Variants in GNA13 observed in about 807,000 individuals in gnomAD.
GNA13 encodes guanine nucleotide-binding protein subunit alpha-13.
In GNA13, 4 loss-of-function variants were observed where a neutral mutation model predicts 33.5. That is an observed-to-expected ratio of 0.12 (90% CI 0.06 to 0.27). GNA13 has a LOEUF of 0.27. GNA13 is among the 10% of genes least tolerant of loss of function. The probability of loss-of-function intolerance (pLI) is 1.00; values close to 1 mark genes in which losing one functional copy is unlikely to be tolerated. For missense variants in GNA13, 319 were observed against 487.2 expected, an observed-to-expected ratio of 0.65 and a Z score of 3.25; for synonymous variants, 176 against 183.8, an observed-to-expected ratio of 0.96 and a Z score of 0.34.
At chr17:65,015,106 C>T (rs1010678530) in intron 3 of GNA13, among the ~76,000 whole-genome samples, 5 of 151,868 alleles carry the variant, frequency 3.3e-5, no homozygotes, top group Non-Finnish European at 5.9e-5. Context: ...CACTTGTGCT[C>T]CCCACAACAA....
At chr17:65,033,134 T>C (rs1907111304) in intron 2 of GNA13, among the ~76,000 whole-genome samples, 1 of 151,484 alleles carries the variant, frequency 6.6e-6, no homozygotes, top group Non-Finnish European at 1.5e-5. Flanking sequence ...ATCACAGTAC[T>C]TGATGTGATG....
intron 1 of GNA13, 44 bp downstream of exon 1, chr17:65,056,266 AG>A (rs1191030653): frequency 5.0e-5 from 18 of 358,832 alleles, no homozygotes; most frequent in East Asian, 1.4e-4. Context: ...CCGCCGCCCC[AG>A]CCCCCCTGCC....
chr17:65,024,850 ATTTAG>A (rs965121876), intron 2 of GNA13, among the ~76,000 whole-genome samples: 2 of 152,208 alleles, frequency 1.3e-5, no homozygotes, highest in Admixed American at 1.3e-4. Flanking sequence ...AAGATAAGAA[ATTTAG>A]TTTAGTTTTA....
chr17:65,046,155 T>A (rs2143821771), intron 2 of GNA13, among the ~76,000 whole-genome samples: 1 of 152,310 alleles, frequency 6.6e-6, no homozygotes, highest in African/African-American at 2.4e-5. Flanking sequence ...CCTTTTTAAA[T>A]ATAGCACTAT....
intron 3 of GNA13, among the ~76,000 whole-genome samples, chr17:65,017,360 A>G (rs934778379): frequency 6.6e-6 from 1 of 152,234 alleles, no homozygotes; most frequent in African/African-American, 2.4e-5. Context: ...ATAGTCTGGC[A>G]GAGCAGAGTA....
chr17:65,034,455 C>T (rs1033283639), intron 2 of GNA13, among the ~76,000 whole-genome samples: 5 of 151,932 alleles, frequency 3.3e-5, no homozygotes, highest in East Asian at 3.9e-4. Context: ...CCCGCCACCA[C>T]GCCCAGCTAA....
intron 2 of GNA13, among the ~76,000 whole-genome samples, chr17:65,029,801 T>C (rs1490911433): frequency 6.6e-6 from 1 of 152,182 alleles, no homozygotes; most frequent in Admixed American, 6.5e-5. Flanking sequence ...CTTTATGACA[T>C]CCTGTTTCCA....
At position 65,014,838 on chromosome 17, in the gene GNA13, G is replaced by A. The variant is rs1567816129; in HGVS notation, c.562-9C>T. On this transcript the variant is annotated splice_polypyrimidine_tract_variant and intron_variant, in intron 3 of 3. Coordinates refer to ENST00000439174, the MANE Select transcript of GNA13 (RefSeq NM_006572.6). This position sits in a 1 kb window ranked among gnomAD's most constrained non-coding sequence, Gnocchi z 5.3. The stretch of plus-strand genomic sequence containing the variant: ...TGTGATGGAATATAATCCTGGAAAA[G>A]AAAAAACTTGTTTTATACCTATTAA... The A allele has an allele frequency of 6.3e-7, 1 of 1,575,216 alleles. No individual in the cohort carries two copies. Among genetic ancestry groups the A allele is most frequent in the Admixed American group, 1.8e-5 (1 of 54,654 alleles).
chr17:65,036,172 G>A (rs886857742), intron 2 of GNA13, among the ~76,000 whole-genome samples: 1 of 152,106 alleles, frequency 6.6e-6, no homozygotes, highest in African/African-American at 2.4e-5. Flanking sequence ...AGCCTATAAG[G>A]AGCACTAAAT....
At chr17:65,023,715 A>T (rs1296309786) in intron 2 of GNA13, among the ~76,000 whole-genome samples, 1 of 152,180 alleles carries the variant, frequency 6.6e-6, no homozygotes. Flanking sequence ...TTCCCATACA[A>T]ATTTCCAGTG....
At chr17:65,016,485 C>T (rs752435383) in intron 3 of GNA13, among the ~76,000 whole-genome samples, 5 of 152,140 alleles carry the variant, frequency 3.3e-5, no homozygotes, top group Non-Finnish European at 4.4e-5. Context: ...CTCAGCCTCC[C>T]GAATAGCTGG....
In GNA13 at chr17:65,014,425, G is replaced by C. The variant is rs1250762608; in HGVS notation, c.966C>G (p.Val322=). The part of the protein sequence containing the change: ...FEGDPHCLRD[V]QKFLVECFRN... Reference sequence around the variant, plus strand: ...GGAAACATTCCACCAGGAATTTTTGGACGTCTCTTAAGCAGTGGGGATCCC... The same window carrying C: ...GGAAACATTCCACCAGGAATTTTTGCACGTCTCTTAAGCAGTGGGGATCCC... Residue 322 remains valine, a synonymous_variant, in exon 4 of 4, where the codon GTC becomes GTG. Transcript: ENST00000439174. The surrounding 1 kb of genome is among the most constrained non-coding windows in gnomAD (Gnocchi z 5.3). 6.2e-7 allele frequency: 1 copy of C among 1,614,168 alleles called. No individual in the cohort carries two copies. The highest frequency in any genetic ancestry group is 8.5e-7 in the Non-Finnish European group (1 of 1,180,028).
intron 2 of GNA13, among the ~76,000 whole-genome samples, chr17:65,050,879 T>C (rs1907836454): frequency 6.6e-6 from 1 of 152,252 alleles, no homozygotes; most frequent in African/African-American, 2.4e-5. Flanking sequence ...TTCTGGAACT[T>C]ATCTCTCCTC....
At chr17:65,031,866 T>TAG (rs138789425) in intron 2 of GNA13, among the ~76,000 whole-genome samples, 100 of 106,408 alleles carry the variant, frequency 9.4e-4, no homozygotes, top group African/African-American at 3.8e-3. Flanking sequence ...CCGGACAACA[T>TAG]AGAGAGAGAG....
At chr17:65,043,800 G>T (rs1402391690) in intron 2 of GNA13, among the ~76,000 whole-genome samples, 4 of 152,158 alleles carry the variant, frequency 2.6e-5, no homozygotes, top group Non-Finnish European at 5.9e-5. Context: ...AGATGGGGAT[G>T]AAAAAGTTTA....
At position 65,053,541 on chromosome 17, in the gene GNA13, G is replaced by A; in HGVS notation, c.471C>T (p.Gly157=). The change falls in exon 2 of 4, where the codon GGC becomes GGT. Residue 157 remains glycine (G), a synonymous_variant. Transcript: ENST00000439174. ...GACGCCGGTCATAGGCATTCTGTAT[G>A]CCGCTGTCTGCCCATAATGCTCTTA... The part of the protein sequence containing the change: ...PAIRALWADS[G]IQNAYDRRRE... 6.2e-7 allele frequency: 1 copy of A among 1,612,766 alleles called. No homozygotes were observed. The highest frequency in any genetic ancestry group is 8.5e-7 in the Non-Finnish European group (1 of 1,178,700).
intron 2 of GNA13, among the ~76,000 whole-genome samples, chr17:65,047,811 T>C (rs905093148): frequency 2.0e-5 from 3 of 152,148 alleles, no homozygotes; most frequent in African/African-American, 7.2e-5. Flanking sequence ...TTCCAATACA[T>C]GCTGCAGTGC....
At chr17:65,049,301 G>C (rs1052297148) in intron 2 of GNA13, among the ~76,000 whole-genome samples, 1 of 151,966 alleles carries the variant, frequency 6.6e-6, no homozygotes, top group Non-Finnish European at 1.5e-5. Context: ...TTTGGTTTTT[G>C]GTAGAGATGG....
intron 1 of GNA13, 135 bp from the exon 2 acceptor site, chr17:65,053,863 CGAAAACAAAT>C (rs1342136304): frequency 3.3e-6 from 2 of 608,348 alleles, no homozygotes; most frequent in Non-Finnish European, 5.8e-6. Flanking sequence ...AGACCAACAT[CGAAAACAAAT>C]GTAACTTCTC....
Sources: allele counts gnomAD v4.1 joint callset (sites outside exome capture counted in the v4.1 genomes callset), GRCh38; gene constraint gnomAD v4.1.1; non-coding constraint Gnocchi (gnomAD v3.1); transcripts MANE v1.5; gene names NCBI Gene and HGNC (gene_info 2026-07-23, HGNC 2026-07-21).